Variants in ATP10D observed in about 807,000 individuals in gnomAD.
ATP10D encodes ATPase phospholipid transporting 10D (putative), also known as phospholipid-transporting ATPase VD.
Under a neutral mutation model 144.8 loss-of-function variants are expected in ATP10D, and 89 were observed. The observed-to-expected ratio is 0.61, with a 90% CI of 0.52 to 0.73. ATP10D has a LOEUF of 0.73. ATP10D is among the 30% of genes least tolerant of loss of function. ATP10D has a pLI of 0.00. For missense variants in ATP10D, 1,603 were observed against 1,714.8 expected (o/e 0.93, Z 1.15); for synonymous variants, 571 against 615.1 (o/e 0.93, Z 1.06).
intron 5 of ATP10D, 79 bp downstream of exon 5, chr4:47,525,721 C>T: frequency 1.7e-6 from 2 of 1,200,510 alleles, no homozygotes; most frequent in Non-Finnish European, 2.5e-6. Context: ...TAAAGTGTTT[C>T]TGTGCTTATA....
chr4:47,557,468 T>G (rs1008352148), intron 11 of ATP10D, among the ~76,000 whole-genome samples, 196 bp from the exon 12 acceptor site: 10 of 152,058 alleles, frequency 6.6e-5, no homozygotes, highest in African/African-American at 2.4e-4. Context: ...AAAAATCAAA[T>G]TATCTGAATA....
intron 9 of ATP10D, among the ~76,000 whole-genome samples, chr4:47,538,560 C>CT (rs1717964216): frequency 6.6e-6 from 1 of 152,186 alleles, no homozygotes. Context: ...CACAGTATCT[C>CT]TAAGTCAGGA....
Position 47,523,018 on chromosome 4 carries a change from G to GA in ATP10D, c.498dup (p.Tyr167IlefsTer3), listed in dbSNP as rs753354783. ...AACTTTTTTTTAATTACAGGAAAGAGAAAAAATACATTGACCGATGCTGGA... is the reference window on the plus strand; with the variant it reads ...AACTTTTTTTTAATTACAGGAAAGAGAAAAAAATACATTGACCGATGCTGGA... On this transcript the variant is annotated frameshift_variant, in exon 4 of 23. Transcript: ENST00000273859. LOFTEE classifies it high-confidence loss of function. The GA allele has an allele frequency of 5.0e-6, 8 of 1,604,940 alleles. No homozygotes were observed. Among genetic ancestry groups the GA allele is most frequent in the South Asian group, 2.2e-5 (2 of 89,020 alleles).
At chr4:47,575,762 T>C (rs1474848085) in intron 18 of ATP10D, among the ~76,000 whole-genome samples, 1 of 152,128 alleles carries the variant, frequency 6.6e-6, no homozygotes, top group East Asian at 1.9e-4. Context: ...CACAGACAGG[T>C]GGCTTGTAAA....
At chr4:47,571,298 A>G (rs1719938180) in intron 16 of ATP10D, among the ~76,000 whole-genome samples, 1 of 148,492 alleles carries the variant, frequency 6.7e-6, no homozygotes, top group African/African-American at 2.4e-5. Flanking sequence ...TATATTTATC[A>G]TATACATTAT....
chr4:47,572,382 T>A, intron 17 of ATP10D, 152 bp downstream of exon 17: 1 of 630,816 alleles, frequency 1.6e-6, no homozygotes. Context: ...TTCATTGATT[T>A]TTTTTTACTA....
At chr4:47,586,868 C>G (rs1400137004) in intron 21 of ATP10D, 151 bp from the exon 22 acceptor site, 1 of 641,736 alleles carries the variant, frequency 1.6e-6, no homozygotes, top group African/African-American at 1.8e-5. Flanking sequence ...ACTCCCATCT[C>G]CTTGATATCT....
At chr4:47,522,473 G>A (rs538985159) in intron 3 of ATP10D, among the ~76,000 whole-genome samples, 2 of 152,344 alleles carry the variant, frequency 1.3e-5, no homozygotes, top group East Asian at 3.9e-4. Context: ...GGAAGAAAGA[G>A]CTGAGAAATA....
chr4:47,563,459 G>C, intron 14 of ATP10D, 122 bp from the exon 15 acceptor site: 1 of 789,164 alleles, frequency 1.3e-6, no homozygotes. Context: ...CTCCTGAGCA[G>C]CTGGGCAGTT....
intron 10 of ATP10D, among the ~76,000 whole-genome samples, chr4:47,549,232 T>G (rs1226438655): frequency 6.6e-6 from 1 of 152,240 alleles, no homozygotes; most frequent in East Asian, 1.9e-4. Flanking sequence ...GAAATGCTCT[T>G]CTCTTAGATC....
At position 47,580,379 on chromosome 4, in the gene ATP10D, T is replaced by C; in HGVS notation, c.3568-19T>C. The C allele has an allele frequency of 1.3e-6, 2 of 1,592,848 alleles. No homozygotes were observed. The highest frequency in any genetic ancestry group is 1.7e-6 in the Non-Finnish European group (2 of 1,160,996). Reference sequence around the variant, plus strand: ...CCTTGTTAATCTTACTACCTCCCCGTTATCTGCTTCATTTCTAGGCATACT... The same window carrying C: ...CCTTGTTAATCTTACTACCTCCCCGCTATCTGCTTCATTTCTAGGCATACT... On this transcript the variant is annotated intron_variant, in intron 19 of 22. Coordinates refer to ENST00000273859, the MANE Select transcript of ATP10D (RefSeq NM_020453.4).
At chr4:47,547,897 T>C (rs1208336874) in intron 10 of ATP10D, among the ~76,000 whole-genome samples, 1 of 152,224 alleles carries the variant, frequency 6.6e-6, no homozygotes, top group African/African-American at 2.4e-5. Context: ...TATTATATTA[T>C]ATCTTAGCCA....
At chr4:47,562,112 A>T (rs1719345779) in intron 14 of ATP10D, among the ~76,000 whole-genome samples, 1 of 152,250 alleles carries the variant, frequency 6.6e-6, no homozygotes, top group Non-Finnish European at 1.5e-5. Context: ...CTGATTTGAT[A>T]TAAGACTATT....
At chr4:47,506,469 A>G (rs902123562) in intron 1 of ATP10D, among the ~76,000 whole-genome samples, 4 of 152,222 alleles carry the variant, frequency 2.6e-5, no homozygotes, top group African/African-American at 9.6e-5. Flanking sequence ...CTTTAATTAC[A>G]GGTTTTATAA....
At chr4:47,542,323 C>A (rs1047367209) in intron 9 of ATP10D, among the ~76,000 whole-genome samples, 7 of 151,948 alleles carry the variant, frequency 4.6e-5, no homozygotes, top group African/African-American at 1.7e-4. Context: ...TCTCGAACTC[C>A]TGGGCTCAAG....
At chr4:47,564,606 G>A (rs547966246) in intron 15 of ATP10D, among the ~76,000 whole-genome samples, 1 of 152,190 alleles carries the variant, frequency 6.6e-6, no homozygotes, top group African/African-American at 2.4e-5. Flanking sequence ...CTGTTTAAGG[G>A]AAGAGGAAAA....
intron 5 of ATP10D, among the ~76,000 whole-genome samples, 199 bp from the exon 6 acceptor site, chr4:47,535,310 A>G (rs1303632139): frequency 9.1e-6 from 1 of 109,796 alleles, no homozygotes; most frequent in Non-Finnish European, 2.1e-5. Context: ...ACCTGAACCT[A>G]AAAGTCTAAA....
rs1226154872 is a variant in ATP10D at position 47,572,165 on chromosome 4, A to G, written c.3175A>G (p.Asn1059Asp). The change falls in exon 17 of 23, where the codon AAT (asparagine) becomes GAT (aspartate). Residue 1059 changes from asparagine to aspartate, a missense_variant. Physicochemically the swap from Asn to Asp is conservative, Grantham distance 23. Coordinates refer to ENST00000273859, the MANE Select transcript of ATP10D (RefSeq NM_020453.4). The stretch of plus-strand genomic sequence containing the variant: ...TCTGCCTCATGAAGGTGATGGTGCC[A>G]ATGATGTTAGCATGATACAAGTGGC... ...VMTLAIGDGA[N>D]DVSMIQVADI... 6.2e-7 allele frequency: 1 copy of G among 1,613,996 alleles called. No homozygotes were observed. Among genetic ancestry groups the G allele is most frequent in the African/African-American group, 1.3e-5 (1 of 75,012 alleles).
chr4:47,489,150 T>G (rs1714942147), intron 1 of ATP10D, among the ~76,000 whole-genome samples: 2 of 152,064 alleles, frequency 1.3e-5, no homozygotes, highest in Non-Finnish European at 2.9e-5. Context: ...GACAAAAAAT[T>G]TTAATTGTCT....
Sources: allele counts gnomAD v4.1 joint callset (sites outside exome capture counted in the v4.1 genomes callset), GRCh38; gene constraint gnomAD v4.1.1; transcripts MANE v1.5; gene names NCBI Gene and HGNC (gene_info 2026-07-23, HGNC 2026-07-21).